The following ACKR3 variants were observed in gnomAD, a reference collection of about 807,000 sequenced individuals.
ACKR3 encodes atypical chemokine receptor 3.
Under a neutral mutation model 22.4 loss-of-function variants are expected in ACKR3, and 6 were observed. The ratio of observed to expected loss-of-function variants is 0.27; its 90% CI spans 0.15 to 0.53. ACKR3 has a LOEUF of 0.53. Among genes scored for constraint, ACKR3 ranks in the 20% least tolerant of loss-of-function variants. The probability of loss-of-function intolerance (pLI) is 0.96; values close to 1 mark genes in which losing one functional copy is unlikely to be tolerated. For synonymous variants in ACKR3, 209 were observed against 205.2 expected (o/e 1.02, Z -0.16); for missense variants, 396 against 475.2 (o/e 0.83, Z 1.55).
At position 236,581,869 on chromosome 2, in the gene ACKR3, T is replaced by A; in HGVS notation, c.*315T>A. On this transcript the variant is annotated 3_prime_UTR_variant, in exon 2 of 2. Coordinates refer to ENST00000272928, the MANE Select transcript of ACKR3 (RefSeq NM_020311.3). This position sits in a 1 kb window ranked among gnomAD's most constrained non-coding sequence, Gnocchi z 4.4. Reference sequence around the variant, plus strand: ...TGTGTTTCCTGAATTTTTTATATGGTGATTTGTATTTAAATTTTAAGACTT... The same window carrying A: ...TGTGTTTCCTGAATTTTTTATATGGAGATTTGTATTTAAATTTTAAGACTT... 4.4e-6 allele frequency: 1 copy of A among 227,238 alleles called. No individual in the cohort carries two copies. The highest frequency in any genetic ancestry group is 9.4e-6 in the Non-Finnish European group (1 of 106,166). The allele number at this position is 227,238 out of a possible 1,614,324, so 14.1% of individuals were successfully genotyped here.
intron 1 of ACKR3, among the ~76,000 whole-genome samples, chr2:236,572,012 G>A (rs1485052316): frequency 6.6e-6 from 1 of 152,170 alleles, no homozygotes; most frequent in Non-Finnish European, 1.5e-5. Context: ...AGAAACTAAA[G>A]ATCGTGTCAT....
At position 236,581,779 on chromosome 2, in the gene ACKR3, G is replaced by A. The variant is rs1452108125; in HGVS notation, c.*225G>A. The stretch of plus-strand genomic sequence containing the variant: ...GCAACAGGCAGAGCTGTGTCGCACA[G>A]CAGTGCTGTGCGTCAGAGCCAGCTG... On this transcript the variant is annotated 3_prime_UTR_variant, in exon 2 of 2. Transcript: ENST00000272928. This position sits in a 1 kb window ranked among gnomAD's most constrained non-coding sequence, Gnocchi z 4.4. The A allele has an allele frequency of 8.3e-6, 4 of 479,212 alleles. No homozygotes were observed. The highest frequency in any genetic ancestry group is 1.5e-5 in the Non-Finnish European group (4 of 270,630). 29.7% of individuals were successfully genotyped at this position (479,212 alleles called of 1,614,324 possible). A position where few individuals can be genotyped will look rare whatever the true frequency, so the allele number is the denominator to read the frequency against.
Position 236,581,264 on chromosome 2 carries a change from C to A in ACKR3, c.799C>A (p.Pro267Thr). Reference protein sequence around the residue: ...YVVVFLVCWLPYHVAVLLDIF... With the variant: ...YVVVFLVCWLTYHVAVLLDIF... ...GGTGGTCTTCCTTGTCTGCTGGCTGCCCTACCACGTGGCGGTGCTGCTGGA... is the reference window on the plus strand; with the variant it reads ...GGTGGTCTTCCTTGTCTGCTGGCTGACCTACCACGTGGCGGTGCTGCTGGA... Residue 267 changes from proline (P) to threonine (T), a missense_variant, in exon 2 of 2, where the codon CCC becomes ACC. Transcript: ENST00000272928. The surrounding 1 kb of genome is among the most constrained non-coding windows in gnomAD (Gnocchi z 4.4). 2.5e-6 allele frequency: 4 copies of A among 1,614,038 alleles called. No homozygotes were observed. The highest frequency in any genetic ancestry group is 3.4e-6 in the Non-Finnish European group (4 of 1,179,940).
upstream of ACKR3, among the ~76,000 whole-genome samples, chr2:236,568,195 C>T (rs1691227984): frequency 6.6e-6 from 1 of 152,214 alleles, no homozygotes; most frequent in African/African-American, 2.4e-5. Flanking sequence ...TCTGTGTTTC[C>T]ACCGGGCGCG....
chr2:236,549,127 C>G, the ACKR3 span, among the ~76,000 whole-genome samples: 1 of 152,202 alleles, frequency 6.6e-6, no homozygotes, highest in Non-Finnish European at 1.5e-5. This position sits in a 1 kb window ranked among gnomAD's most constrained non-coding sequence, Gnocchi z 5.3. Flanking sequence ...CTTCTCATTT[C>G]CAACAAATTT....
At chr2:236,580,311 T>G in intron 1 of ACKR3, 129 bp from the exon 2 acceptor site, 1 of 892,982 alleles carries the variant, frequency 1.1e-6, no homozygotes. Flanking sequence ...TGCAAAGACA[T>G]TACAGAGCTA....
chr2:236,555,439 G>A, the ACKR3 span, among the ~76,000 whole-genome samples: 2 of 152,128 alleles, frequency 1.3e-5, no homozygotes, highest in African/African-American at 2.4e-5. Context: ...TAACTGACCC[G>A]TTTTGCTGGT....
intron 1 of ACKR3, among the ~76,000 whole-genome samples, chr2:236,572,626 C>T (rs1449255445): frequency 6.6e-6 from 1 of 152,210 alleles, no homozygotes; most frequent in Non-Finnish European, 1.5e-5. Context: ...CTCCCACTGC[C>T]TCGTCCTAGT....
At chr2:236,539,397 C>T in the ACKR3 span, among the ~76,000 whole-genome samples, 1 of 150,100 alleles carries the variant, frequency 6.7e-6, no homozygotes, top group Non-Finnish European at 1.5e-5. Context: ...ACTGGAACCT[C>T]TGCCTCCTGG....
chr2:236,580,291 C>T, intron 1 of ACKR3, 149 bp from the exon 2 acceptor site: 3 of 716,688 alleles, frequency 4.2e-6, no homozygotes, highest in African/African-American at 1.8e-5. Context: ...AATTTTTTTT[C>T]TCCCTTCTTT....
At chr2:236,553,342 G>A in the ACKR3 span, among the ~76,000 whole-genome samples, 2 of 152,198 alleles carry the variant, frequency 1.3e-5, no homozygotes, top group African/African-American at 4.8e-5. Flanking sequence ...TATGTCCAAC[G>A]CCTAAGGAAA....
chr2:236,582,161 G>A lies in ACKR3; in HGVS notation c.*607G>A, dbSNP rs1326228228. 3 of 166,566 alleles carry A rather than the reference G, an allele frequency of 1.8e-5. No homozygotes were observed. Among genetic ancestry groups the A allele is most frequent in the African/African-American group, 4.8e-5 (2 of 41,328 alleles). 10.3% of individuals were successfully genotyped at this position (166,566 alleles called of 1,614,324 possible). On this transcript the variant is annotated 3_prime_UTR_variant, in exon 2 of 2. Transcript: ENST00000272928. ...TTATATCTGTGTGGTGTTTTGTACC[G>A]GCACGGGATATGGAACGAAAACTGC...
At chr2:236,543,379 T>A in the ACKR3 span, among the ~76,000 whole-genome samples, 35,835 of 152,008 alleles carry the variant, frequency 0.24, 6,109 homozygotes, top group African/African-American at 0.49. Flanking sequence ...CCCAAGAAAA[T>A]GACTGCTATG....
At position 236,582,332 on chromosome 2, in the gene ACKR3, T is replaced by C. The variant is rs2106511596; in HGVS notation, c.*778T>C. The C allele has an allele frequency of 6.0e-6, 1 of 167,132 alleles. No homozygotes were observed. The highest frequency in any genetic ancestry group is 2.4e-5 in the African/African-American group (1 of 41,578). 10.4% of individuals were successfully genotyped at this position (167,132 alleles called of 1,614,324 possible). A position where few individuals can be genotyped will look rare whatever the true frequency, so the allele number is the denominator to read the frequency against. ...CAATTTGTAAGTTATTTTTTTTTAA[T>C]AAAGATTTTTGTTTCCTAAAAATGC... On this transcript the variant is annotated 3_prime_UTR_variant, in exon 2 of 2. Transcript: ENST00000272928.
chr2:236,567,324 C>T (rs955245508), upstream of ACKR3, among the ~76,000 whole-genome samples: 6 of 152,116 alleles, frequency 3.9e-5, no homozygotes, highest in African/African-American at 1.4e-4. Flanking sequence ...TATGAGGGCT[C>T]CCATGCCGCG....
At chr2:236,543,956 T>C in the ACKR3 span, among the ~76,000 whole-genome samples, 2 of 54,128 alleles carry the variant, frequency 3.7e-5, no homozygotes, top group East Asian at 6.5e-4. Context: ...TATATATATA[T>C]ATATATATAT....
intron 1 of ACKR3, among the ~76,000 whole-genome samples, chr2:236,571,432 G>A (rs964848571): frequency 2.0e-5 from 3 of 152,042 alleles, no homozygotes; most frequent in Non-Finnish European, 4.4e-5. Flanking sequence ...TCTTTTAAGG[G>A]GCAGACATTG....
At chr2:236,543,647 G>A in the ACKR3 span, among the ~76,000 whole-genome samples, 1 of 152,012 alleles carries the variant, frequency 6.6e-6, no homozygotes, top group Non-Finnish European at 1.5e-5. Context: ...GGCATGGACC[G>A]GCAGGGAGGG....
At chr2:236,562,096 A>G in the ACKR3 span, among the ~76,000 whole-genome samples, 5 of 152,360 alleles carry the variant, frequency 3.3e-5, no homozygotes, top group Middle Eastern at 3.4e-3. Context: ...GTTGGCTCTA[A>G]GTATTCATAT....
Sources: gnomAD v4.1 joint callset for allele counts (sites outside exome capture counted in the v4.1 genomes callset) on GRCh38, gnomAD v4.1.1 for gene constraint, Gnocchi (gnomAD v3.1) non-coding constraint, MANE v1.5 for transcripts, NCBI Gene and HGNC (gene_info 2026-07-23, HGNC 2026-07-21) for gene names.